Variants in CAPRIN1 observed in about 807,000 individuals in gnomAD.
CAPRIN1 encodes the protein caprin-1.
A neutral mutation model predicts 100.9 loss-of-function variants in CAPRIN1; 29 were observed. The observed-to-expected ratio is 0.29, with a 90% CI of 0.21 to 0.39. The LOEUF (loss-of-function observed/expected upper bound fraction) is 0.39, where lower values mean the gene tolerates loss of function less well. Ranked by LOEUF, CAPRIN1 falls within the 10% of genes least tolerant of loss-of-function variation. The pLI is 1.00. For synonymous variants in CAPRIN1, 338 were observed against 307.5 expected (o/e 1.10, Z -1.04); for missense variants, 795 against 876.7 (o/e 0.91, Z 1.18).
At chr11:34,070,132 A>G (rs16925114) in intron 2 of CAPRIN1, among the ~76,000 whole-genome samples, 15,548 of 152,048 alleles carry the variant, frequency 0.1, 859 homozygotes, top group African/African-American at 0.15. Flanking sequence ...GACCTTTACA[A>G]TAATAATAGT....
Position 34,102,470 on chromosome 11 carries a change from C to T in CAPRIN1, c.*3103C>T, listed in dbSNP as rs1044626948. ...GATCTTGTCCTTTTTATGGAGTTAA[C>T]GGGGAGGAAGACCCCTCAGGAAAAC... On this transcript the variant is annotated 3_prime_UTR_variant, in exon 19 of 19. Coordinates refer to ENST00000341394, the MANE Select transcript of CAPRIN1 (RefSeq NM_005898.5). 6.6e-6 allele frequency among the ~76,000 whole-genome samples: 1 copy of T among 152,118 alleles called. No homozygotes were observed. Among genetic ancestry groups the T allele is most frequent in the African/African-American group, 2.4e-5 (1 of 41,410 alleles).
chr11:34,092,010 T>C lies in CAPRIN1; in HGVS notation c.1659T>C (p.Pro553=). The part of the protein sequence containing the change: ...ASYNQSFSSQ[P]HQVEQTELQQ... ...ATAACCAGAGCTTTTCTAGTCAGCC[T>C]CACCAAGTAGAACAAACAGAGCTTC... is the stretch of plus-strand genomic sequence containing the variant. The change falls in exon 15 of 19, where the codon CCT becomes CCC. Residue 553 remains proline, a synonymous_variant. Coordinates refer to ENST00000341394, the MANE Select transcript of CAPRIN1 (RefSeq NM_005898.5). 1 of 1,614,152 alleles carries C rather than the reference T, an allele frequency of 6.2e-7. No homozygotes were observed. Among genetic ancestry groups the C allele is most frequent in the Non-Finnish European group, 8.5e-7 (1 of 1,180,006 alleles).
At chr11:34,092,475 A>C (rs1414764997) in intron 15 of CAPRIN1, among the ~76,000 whole-genome samples, 1 of 151,390 alleles carries the variant, frequency 6.6e-6, no homozygotes, top group East Asian at 1.9e-4. Context: ...TCCCTACCTC[A>C]GCCTCCCAAG....
At chr11:34,075,466 A>G (rs1850887510) in intron 4 of CAPRIN1, among the ~76,000 whole-genome samples, 1 of 152,230 alleles carries the variant, frequency 6.6e-6, no homozygotes, top group Admixed American at 6.5e-5. Flanking sequence ...GAAAGAAAAA[A>G]AGGAATGTGG....
intron 2 of CAPRIN1, among the ~76,000 whole-genome samples, chr11:34,054,273 TA>T (rs1850401377): frequency 6.6e-6 from 1 of 152,140 alleles, no homozygotes; most frequent in Admixed American, 6.5e-5. Context: ...TTATTATAGG[TA>T]ATTGGAATAG....
At chr11:34,082,738 G>C in intron 7 of CAPRIN1, 87 bp from the exon 8 acceptor site, 1 of 882,850 alleles carries the variant, frequency 1.1e-6, no homozygotes, top group Non-Finnish European at 1.8e-6. Flanking sequence ...AATGCATAAT[G>C]ACGTGTATCT....
Position 34,051,748 on chromosome 11 carries a change from G to C in CAPRIN1, c.-124G>C, listed in dbSNP as rs1371468569. ...TCTCGCCTCACTAGGAGCGGCTCTC[G>C]GTGCAGCGGGACAGGGCGAAGCGGC... On this transcript the variant is annotated 5_prime_UTR_variant, in exon 1 of 19. Transcript: ENST00000341394. 2 of 152,320 alleles carry C rather than the reference G, an allele frequency of 1.3e-5. No homozygotes were observed. The highest frequency in any genetic ancestry group is 2.9e-5 in the Non-Finnish European group (2 of 68,136). 9.4% of individuals were successfully genotyped at this position (152,320 alleles called of 1,614,324 possible). A position where few individuals can be genotyped will look rare whatever the true frequency, so the allele number is the denominator to read the frequency against.
intron 15 of CAPRIN1, among the ~76,000 whole-genome samples, chr11:34,092,292 A>G (rs1851278886): frequency 6.6e-6 from 1 of 151,806 alleles, no homozygotes; most frequent in Non-Finnish European, 1.5e-5. Flanking sequence ...AACTTACATA[A>G]TATCCCTGTT....
intron 2 of CAPRIN1, among the ~76,000 whole-genome samples, chr11:34,066,034 C>T (rs561256175): frequency 1.6e-4 from 25 of 152,212 alleles, no homozygotes; most frequent in Non-Finnish European, 2.8e-4. Context: ...AGTGTGATAG[C>T]GTGATCACAC....
Position 34,090,517 on chromosome 11 carries a change from C to CT in CAPRIN1, c.1405-9dup. ...TTTACCGCTAAAGTGCATCTATTCACTTTGTGTTTAGGCAACAATCTCTTT... is the reference window on the plus strand; with the variant it reads ...TTTACCGCTAAAGTGCATCTATTCACTTTTGTGTTTAGGCAACAATCTCTTT... On this transcript the variant is annotated splice_polypyrimidine_tract_variant and intron_variant, in intron 13 of 18. Coordinates refer to ENST00000341394, the MANE Select transcript of CAPRIN1 (RefSeq NM_005898.5). 6.2e-7 allele frequency: 1 copy of CT among 1,608,454 alleles called. No individual in the cohort carries two copies. Among genetic ancestry groups the CT allele is most frequent in the Non-Finnish European group, 8.5e-7 (1 of 1,175,430 alleles).
rs1851462936 is a variant in CAPRIN1, at chr11:34,102,111, T to C, written c.*2744T>C. Among the ~76,000 whole-genome samples the C allele has an allele frequency of 6.6e-6, 1 of 152,252 alleles. No individual in the cohort carries two copies. Among genetic ancestry groups the C allele is most frequent in the Non-Finnish European group, 1.5e-5 (1 of 68,030 alleles). ...TAAGTATTTCTAATCAGTTAGCTTC[T>C]ACAGTTCTTTTGTCTCCTTTTATAT... On this transcript the variant is annotated 3_prime_UTR_variant, in exon 19 of 19. Transcript: ENST00000341394.
At chr11:34,091,829 A>G (rs982466637) in intron 14 of CAPRIN1, 77 bp from the exon 15 acceptor site, 2 of 1,348,454 alleles carry the variant, frequency 1.5e-6, no homozygotes, top group Non-Finnish European at 2.0e-6. Context: ...TCTGAGGTAA[A>G]ACCACCATTG....
intron 7 of CAPRIN1, 79 bp downstream of exon 7, chr11:34,079,844 T>TAA: frequency 7.3e-7 from 1 of 1,363,008 alleles, no homozygotes; most frequent in South Asian, 1.4e-5. Context: ...ACTATACACT[T>TAA]ACTTAGTTTT....
In CAPRIN1 at chr11:34,102,500, G is replaced by C. The variant is rs61880387; in HGVS notation, c.*3133G>C. Among the ~76,000 whole-genome samples the C allele has an allele frequency of 6.6e-5, 10 of 152,158 alleles. No homozygotes were observed. The highest frequency in any genetic ancestry group is 2.6e-4 in the Admixed American group (4 of 15,282). On this transcript the variant is annotated 3_prime_UTR_variant, in exon 19 of 19. Coordinates refer to ENST00000341394, the MANE Select transcript of CAPRIN1 (RefSeq NM_005898.5). ...AGGAAGACCCCTCAGGAAAACGAAA[G>C]TAAATTGTTAAGGCTCATCTTCATA... is the stretch of plus-strand genomic sequence containing the variant.
rs112338854 is a variant in CAPRIN1, at chr11:34,086,059, C to T, written c.967-5C>T. 4.4e-6 allele frequency: 7 copies of T among 1,607,350 alleles called. No homozygotes were observed. The East Asian group carries it at 6.7e-5, about 15-fold the overall frequency. ...TTCCTTCTAATCCTTTTTTTTCTACCTTAGGTGGTAAATTCACTCCAGCAG... is the reference window on the plus strand; with the variant it reads ...TTCCTTCTAATCCTTTTTTTTCTACTTTAGGTGGTAAATTCACTCCAGCAG... On this transcript the variant is annotated splice_polypyrimidine_tract_variant and splice_region_variant and intron_variant, in intron 9 of 18. Transcript: ENST00000341394.
Position 34,082,911 on chromosome 11 carries a change from C to T in CAPRIN1, c.879+34C>T, listed in dbSNP as rs539350046. On this transcript the variant is annotated intron_variant, in intron 8 of 18. Coordinates refer to ENST00000341394, the MANE Select transcript of CAPRIN1 (RefSeq NM_005898.5). ...TTAATTTAATGCTGCCTTTACTTTG[C>T]TGCCTTTCAAACAAATGTCTCAAAC... 26 of 1,612,652 alleles carry T rather than the reference C, an allele frequency of 1.6e-5. No individual in the cohort carries two copies. The South Asian group carries it at 1.6e-4, about 10-fold the overall frequency.
intron 2 of CAPRIN1, chr11:34,063,103 A>G (rs1221436730): frequency 6.6e-6 from 1 of 152,176 alleles, no homozygotes; most frequent in Non-Finnish European, 1.5e-5. Context: ...CTGGCACCCT[A>G]ATGGCACCTA....
intron 2 of CAPRIN1, among the ~76,000 whole-genome samples, chr11:34,068,344 C>G (rs1486293687): frequency 6.6e-6 from 1 of 152,204 alleles, no homozygotes; most frequent in Non-Finnish European, 1.5e-5. Context: ...TTATACAGTA[C>G]TCTTGGTTGA....
At chr11:34,075,574 A>T (rs61171154) in intron 4 of CAPRIN1, among the ~76,000 whole-genome samples, 15,549 of 152,260 alleles carry the variant, frequency 0.1, 865 homozygotes, top group African/African-American at 0.15. Context: ...AGATGGAATA[A>T]CTTTCTGAGA....
Sources: allele counts gnomAD v4.1 joint callset (sites outside exome capture counted in the v4.1 genomes callset), GRCh38; gene constraint gnomAD v4.1.1; transcripts MANE v1.5; gene names NCBI Gene and HGNC (gene_info 2026-07-23, HGNC 2026-07-21).